SEMA6D: variants seen among roughly 807,000 people sequenced by gnomAD.
SEMA6D encodes the protein semaphorin-6D.
A neutral mutation model predicts 106.6 loss-of-function variants in SEMA6D; 35 were observed. The observed-to-expected ratio is 0.33, with a 90% CI of 0.25 to 0.44. The LOEUF (loss-of-function observed/expected upper bound fraction) is 0.44. Ranked by LOEUF, SEMA6D falls within the 20% of genes least tolerant of loss-of-function variation. SEMA6D has a pLI of 1.00. For synonymous variants in SEMA6D, 499 were observed against 487.7 expected, an observed-to-expected ratio of 1.02 and a Z score of -0.31; for missense variants, 1,185 against 1,345.9, an observed-to-expected ratio of 0.88 and a Z score of 1.87.
At chr15:47,606,658 C>T (rs2076788949) in intron 4 of SEMA6D, among the ~76,000 whole-genome samples, 1 of 152,146 alleles carries the variant, frequency 6.6e-6, no homozygotes, top group Admixed American at 6.5e-5. Context: ...CATGATTTTT[C>T]TTCCTTTATC....
intron 1 of SEMA6D, among the ~76,000 whole-genome samples, chr15:47,407,394 C>CAAA (rs1567058099): frequency 1.2e-5 from 1 of 83,554 alleles, no homozygotes; most frequent in Non-Finnish European, 2.8e-5. Flanking sequence ...AAAACCAAAA[C>CAAA]AACAACAACA....
chr15:47,391,377 C>T (rs1441044583), intron 1 of SEMA6D, among the ~76,000 whole-genome samples: 1 of 135,446 alleles, frequency 7.4e-6, no homozygotes, highest in Non-Finnish European at 1.5e-5. Flanking sequence ...CTAAATAAGT[C>T]CTGATAGTAA....
intron 4 of SEMA6D, among the ~76,000 whole-genome samples, chr15:47,632,565 C>T (rs2144541500): frequency 6.6e-6 from 1 of 152,004 alleles, no homozygotes; most frequent in East Asian, 1.9e-4. Context: ...TCTACTTTAC[C>T]TAATATTAAT....
intron 17 of SEMA6D, among the ~76,000 whole-genome samples, chr15:47,767,722 G>A (rs560201560): frequency 6.6e-6 from 1 of 152,198 alleles, no homozygotes; most frequent in East Asian, 1.9e-4. Context: ...TGGTCTCTGA[G>A]GTTTTAGCTT....
At position 47,764,803 on chromosome 15, in the gene SEMA6D, T is replaced by C. The variant is rs1455537632; in HGVS notation, c.1253+10T>C. 1 of 1,613,832 alleles carries C rather than the reference T, an allele frequency of 6.2e-7. No individual in the cohort carries two copies. The highest frequency in any genetic ancestry group is 1.1e-5 in the South Asian group (1 of 91,076). ...CAAAGACTCGGGTCAGGTGAGATTG[T>C]GTGTGAAACACTCCTTCCTATTCAA... On this transcript the variant is annotated intron_variant, in intron 12 of 18. Transcript: ENST00000536845.
intron 13 of SEMA6D, chr15:47,765,269 T>C: frequency 7.5e-7 from 1 of 1,333,330 alleles, no homozygotes; most frequent in Non-Finnish European, 9.6e-7. Context: ...TTAAAAATAA[T>C]GCAGCCCTTG....
intron 1 of SEMA6D, among the ~76,000 whole-genome samples, chr15:47,373,962 G>C (rs1270097491): frequency 6.6e-6 from 1 of 152,194 alleles, no homozygotes; most frequent in Non-Finnish European, 1.5e-5. Flanking sequence ...ACTCTGTTCA[G>C]CAGTAAATAA....
chr15:47,614,938 A>G (rs1168666211), intron 4 of SEMA6D, among the ~76,000 whole-genome samples: 2 of 152,120 alleles, frequency 1.3e-5, no homozygotes, highest in Non-Finnish European at 2.9e-5. Flanking sequence ...TGTCTGGCCA[A>G]TTTTCGTCAA....
chr15:47,729,605 C>G (rs1293819217), intron 1 of SEMA6D, among the ~76,000 whole-genome samples: 2 of 152,186 alleles, frequency 1.3e-5, no homozygotes, highest in East Asian at 3.9e-4. Flanking sequence ...CCCACTCCAT[C>G]TGCTGATAGC....
rs1168068495 is a variant in SEMA6D at position 47,384,814 on chromosome 15, G to GTTTTTT, written c.-238-27553_-238-27548dup. On this transcript the variant is annotated intron_variant, in intron 1 of 19. Transcript: ENST00000558014. ...TCAGAATTAACATTTGATTACTAAA[G>GTTTTTT]TTTTTTTTTTTTTTTTTTTTTTTTT... is the stretch of plus-strand genomic sequence containing the variant. Among the ~76,000 whole-genome samples, 252 of 65,684 alleles carry GTTTTTT rather than the reference G, an allele frequency of 3.8e-3. 14 individuals are homozygous for GTTTTTT. Among genetic ancestry groups the GTTTTTT allele is most frequent in the South Asian group, 0.012 (13 of 1,116 alleles). 43.1% of individuals were successfully genotyped at this position (65,684 alleles called of 152,430 possible).
intron 3 of SEMA6D, among the ~76,000 whole-genome samples, chr15:47,534,675 G>A (rs547389493): frequency 7.9e-5 from 12 of 152,232 alleles, no homozygotes; most frequent in Middle Eastern, 3.4e-3. Context: ...GAGAGACTAC[G>A]TAATGCTTTC....
intron 1 of SEMA6D, among the ~76,000 whole-genome samples, chr15:47,307,776 T>A (rs1211306918): frequency 6.6e-6 from 1 of 152,202 alleles, no homozygotes; most frequent in African/African-American, 2.4e-5. Context: ...TCTTTTAGTT[T>A]CCTTGCAAAT....
At chr15:47,638,962 C>T (rs1316751591) in intron 4 of SEMA6D, among the ~76,000 whole-genome samples, 1 of 152,216 alleles carries the variant, frequency 6.6e-6, no homozygotes, top group East Asian at 1.9e-4. Flanking sequence ...TGATATTCTT[C>T]TGTCCAGTTG....
Position 47,314,986 on chromosome 15 carries a change from C to T in SEMA6D, c.-238-97407C>T, listed in dbSNP as rs550801289. 2.2e-4 allele frequency among the ~76,000 whole-genome samples: 33 copies of T among 149,266 alleles called. 1 individual carries two copies. The East Asian group carries it at 6.6e-3, about 30-fold the overall frequency. Reference sequence around the variant, plus strand: ...GTTCACACCATTCTCCTGCCTCAGCCTCCCGAGTAGCTGGGACTACAGGCG... The same window carrying T: ...GTTCACACCATTCTCCTGCCTCAGCTTCCCGAGTAGCTGGGACTACAGGCG... On this transcript the variant is annotated intron_variant, in intron 1 of 19. Coordinates refer to the SEMA6D transcript ENST00000558014.
At chr15:47,590,733 C>G (rs1566915808) in intron 3 of SEMA6D, among the ~76,000 whole-genome samples, 1 of 152,004 alleles carries the variant, frequency 6.6e-6, no homozygotes, top group Non-Finnish European at 1.5e-5. Flanking sequence ...AGCTGCAATC[C>G]AACGAATACC....
chr15:47,353,778 G>C (rs1232816944), intron 1 of SEMA6D, among the ~76,000 whole-genome samples: 1 of 152,122 alleles, frequency 6.6e-6, no homozygotes, highest in Non-Finnish European at 1.5e-5. Context: ...TGAATGCACT[G>C]TCCTTTTCCT....
chr15:47,693,928 C>G (rs1313484437), intron 4 of SEMA6D, among the ~76,000 whole-genome samples: 3 of 152,046 alleles, frequency 2.0e-5, no homozygotes, highest in African/African-American at 7.2e-5. Flanking sequence ...GGCAACAGAG[C>G]AAGATCCTTA....
At chr15:47,622,201 C>CAAAAAAAAAAAAA (rs199839582) in intron 4 of SEMA6D, among the ~76,000 whole-genome samples, 2 of 62,798 alleles carry the variant, frequency 3.2e-5, no homozygotes, top group African/African-American at 5.0e-5. Flanking sequence ...GAAACCCAGC[C>CAAAAAAAAAAAAA]AAAAAAAAAA....
At chr15:47,254,333 A>G (rs58343610) in intron 1 of SEMA6D, among the ~76,000 whole-genome samples, 9,221 of 138,838 alleles carry the variant, frequency 0.066, 765 homozygotes, top group African/African-American at 0.21. Flanking sequence ...GTGTGTGTGT[A>G]TATATATATA....
Sources: allele counts gnomAD v4.1 joint callset (sites outside exome capture counted in the v4.1 genomes callset), GRCh38; gene constraint gnomAD v4.1.1; transcripts MANE v1.5; gene names NCBI Gene and HGNC (gene_info 2026-07-23, HGNC 2026-07-21).